Variants in TBL1X observed in about 807,000 individuals in gnomAD.
TBL1X encodes F-box-like/WD repeat-containing protein TBL1X.
Under a neutral mutation model 50.7 loss-of-function variants are expected in TBL1X, and 10 were observed. That is an observed-to-expected ratio of 0.20 (90% CI 0.12 to 0.33). The LOEUF (loss-of-function observed/expected upper bound fraction) is 0.33. Ranked by LOEUF, TBL1X falls within the 10% of genes least tolerant of loss-of-function variation. The pLI is 1.00. For synonymous variants in TBL1X, 190 were observed against 214.7 expected (o/e 0.88, Z 1.01); for missense variants, 340 against 504.4 (o/e 0.67, Z 3.12).
rs56756151 is a variant in TBL1X at position 9,665,489 on chromosome X, CTATATATATATATATATATATA to C, written c.211+11196_211+11217del. Among the ~76,000 whole-genome samples, 602 of 19,813 alleles carry C rather than the reference CTATATATATATATATATATATA, an allele frequency of 0.03. 67 individuals are homozygous for C. In the East Asian group the frequency reaches 0.32, roughly 11 times the overall value. 17.2% of individuals were successfully genotyped at this position (19,813 alleles called of 115,157 possible). A position where few individuals can be genotyped will look rare whatever the true frequency, so the allele number is the denominator to read the frequency against. ...ACTTAATTAAAAACTGATATTCAAG[CTATATATATATATATATATATA>C]TATATATATATATATATATATATAT... On this transcript the variant is annotated intron_variant, in intron 5 of 17. Transcript: ENST00000645353.
At chrX:9,668,682 G>C (rs1463491060) in intron 5 of TBL1X, among the ~76,000 whole-genome samples, 3 of 112,168 alleles carry the variant, frequency 2.7e-5, no homozygotes, top group African/African-American at 9.7e-5. Context: ...AGAAACACTG[G>C]TTATTTTACC....
chrX:9,559,475 C>T (rs2082315031), intron 2 of TBL1X, among the ~76,000 whole-genome samples: 1 of 111,025 alleles, frequency 9.0e-6, no homozygotes, highest in Non-Finnish European at 1.9e-5. Flanking sequence ...TACATCAAGA[C>T]GAAGTATATT....
intron 2 of TBL1X, among the ~76,000 whole-genome samples, chrX:9,599,545 G>A (rs901524315): frequency 8.9e-6 from 1 of 112,180 alleles, no homozygotes; most frequent in African/African-American, 3.2e-5. Flanking sequence ...CACAAAAGCA[G>A]ATAGATTGCC....
chrX:9,650,536 G>T (rs766585069), intron 3 of TBL1X, among the ~76,000 whole-genome samples: 5 of 111,604 alleles, frequency 4.5e-5, no homozygotes, highest in Non-Finnish European at 7.5e-5. Context: ...CTCACTGGGA[G>T]GGGGCACCGT....
chrX:9,572,736 C>G (rs936059173), intron 2 of TBL1X, among the ~76,000 whole-genome samples: 8 of 112,565 alleles, frequency 7.1e-5, no homozygotes, highest in African/African-American at 2.6e-4. Context: ...AGTAGGACAA[C>G]TTAATTGATA....
At chrX:9,540,050 G>A (rs2082207392) in intron 2 of TBL1X, among the ~76,000 whole-genome samples, 1 of 112,605 alleles carries the variant, frequency 8.9e-6, no homozygotes, top group African/African-American at 3.2e-5. Flanking sequence ...AATGCAGGAA[G>A]AATTTGGCAC....
At chrX:9,518,489 A>G (rs2146964084) in intron 2 of TBL1X, among the ~76,000 whole-genome samples, 1 of 112,496 alleles carries the variant, frequency 8.9e-6, no homozygotes, top group Non-Finnish European at 1.9e-5. Flanking sequence ...GTCTTGTCCC[A>G]GTTAAAGTGC....
intron 5 of TBL1X, among the ~76,000 whole-genome samples, chrX:9,671,054 A>G (rs757820601): frequency 8.9e-6 from 1 of 112,203 alleles, no homozygotes; most frequent in Non-Finnish European, 1.9e-5. Context: ...CTTTGATGTG[A>G]TCTCATTAAG....
intron 2 of TBL1X, among the ~76,000 whole-genome samples, chrX:9,620,002 G>A (rs1278229433): frequency 1.8e-5 from 2 of 112,246 alleles, no homozygotes; most frequent in African/African-American, 6.5e-5. Context: ...GTAATTGCCT[G>A]TGTGTCAGAC....
chrX:9,614,770 G>A (rs925954746), intron 2 of TBL1X, among the ~76,000 whole-genome samples: 5 of 111,415 alleles, frequency 4.5e-5, no homozygotes, highest in East Asian at 2.8e-4. Context: ...AAGAGTCAGC[G>A]CCTGAAATTA....
chrX:9,643,595 T>C (rs866851618), intron 3 of TBL1X, among the ~76,000 whole-genome samples: 1 of 111,807 alleles, frequency 8.9e-6, no homozygotes, highest in African/African-American at 3.3e-5. Flanking sequence ...TCACACTTTG[T>C]ACTCCCTGCA....
chrX:9,625,789 A>G (rs745753319), intron 2 of TBL1X, among the ~76,000 whole-genome samples: 2 of 111,681 alleles, frequency 1.8e-5, no homozygotes, highest in South Asian at 7.7e-4. Flanking sequence ...AATACAAAAA[A>G]TTAGCTGGGC....
intron 1 of TBL1X, among the ~76,000 whole-genome samples, chrX:9,477,243 G>A (rs894309399): frequency 1.8e-5 from 2 of 112,364 alleles, no homozygotes; most frequent in African/African-American, 3.2e-5. Flanking sequence ...TCTGCATGGC[G>A]TTTGCTGTGA....
chrX:9,702,014 G>A (rs2083176767), intron 12 of TBL1X, among the ~76,000 whole-genome samples: 1 of 111,731 alleles, frequency 9.0e-6, no homozygotes. Flanking sequence ...TGGGGTCCCT[G>A]TGCTTATGGA....
chrX:9,549,618 C>T (rs758345214), intron 2 of TBL1X, among the ~76,000 whole-genome samples: 2 of 111,805 alleles, frequency 1.8e-5, no homozygotes, highest in African/African-American at 6.5e-5. Context: ...ATGCAGAAGA[C>T]CGTGCATCCC....
At chrX:9,481,129 G>A (rs946552490) in intron 1 of TBL1X, among the ~76,000 whole-genome samples, 1 of 111,446 alleles carries the variant, frequency 9.0e-6, no homozygotes, top group Admixed American at 9.6e-5. Context: ...TCAGCTATAG[G>A]ACTGTGACAG....
intron 3 of TBL1X, among the ~76,000 whole-genome samples, chrX:9,642,434 C>T (rs2082780606): frequency 2.7e-5 from 3 of 111,958 alleles, no homozygotes; most frequent in Non-Finnish European, 5.6e-5. Context: ...GGGCTTCTAA[C>T]GGTTTCCTTG....
At chrX:9,708,587 A>G (rs1223404807) in intron 13 of TBL1X, among the ~76,000 whole-genome samples, 5 of 110,398 alleles carry the variant, frequency 4.5e-5, no homozygotes, top group Non-Finnish European at 9.5e-5. Context: ...TGTTACATTA[A>G]AAGTGCATAA....
chrX:9,595,889 T>A (rs2082524238), intron 2 of TBL1X, among the ~76,000 whole-genome samples: 2 of 112,374 alleles, frequency 1.8e-5, no homozygotes, highest in Non-Finnish European at 3.8e-5. Context: ...CATGAAATGA[T>A]GCAGTAAGTG....
Sources: gnomAD v4.1 joint callset for allele counts (sites outside exome capture counted in the v4.1 genomes callset) on GRCh38, gnomAD v4.1.1 for gene constraint, MANE v1.5 for transcripts, NCBI Gene and HGNC (gene_info 2026-07-23, HGNC 2026-07-21) for gene names.